The following RALGAPA2 variants were observed in gnomAD, a reference collection of about 807,000 sequenced individuals.
The protein encoded by RALGAPA2 is ral GTPase-activating protein subunit alpha-2.
In RALGAPA2, 139 loss-of-function variants were observed where a neutral mutation model predicts 230.4. That is an observed-to-expected ratio of 0.60 (90% CI 0.53 to 0.69). RALGAPA2 has a LOEUF of 0.69. Among genes scored for constraint, RALGAPA2 ranks in the 30% least tolerant of loss-of-function variants. The probability of loss-of-function intolerance (pLI) is 0.00; values close to 1 mark genes in which losing one functional copy is unlikely to be tolerated. For missense variants in RALGAPA2, 2,163 were observed against 2,276.0 expected (o/e 0.95, Z 1.01); for synonymous variants, 847 against 837.8 (o/e 1.01, Z -0.19).
At chr20:20,683,474 C>A (rs139817305) in intron 1 of RALGAPA2, among the ~76,000 whole-genome samples, 1 of 152,308 alleles carries the variant, frequency 6.6e-6, no homozygotes, top group East Asian at 1.9e-4. Context: ...CCACTCTCCC[C>A]TTCACTCCCT....
intron 37 of RALGAPA2, among the ~76,000 whole-genome samples, chr20:20,436,916 G>A (rs941851551): frequency 3.9e-5 from 6 of 152,122 alleles, no homozygotes; most frequent in Non-Finnish European, 5.9e-5. Flanking sequence ...CACCTCATCC[G>A]AGCCTGTGCA....
At chr20:20,486,664 C>T (rs2061920014) in intron 36 of RALGAPA2, among the ~76,000 whole-genome samples, 1 of 152,112 alleles carries the variant, frequency 6.6e-6, no homozygotes, top group African/African-American at 2.4e-5. Context: ...TGACAATTTC[C>T]AATATTTCTT....
chr20:20,652,238 A>T (rs1269985606), intron 4 of RALGAPA2, among the ~76,000 whole-genome samples: 1 of 152,124 alleles, frequency 6.6e-6, no homozygotes, highest in Non-Finnish European at 1.5e-5. Flanking sequence ...ATCATGTTGC[A>T]TTCTTTCAGG....
At chr20:20,597,721 C>A (rs1426959312) in intron 16 of RALGAPA2, among the ~76,000 whole-genome samples, 1 of 151,990 alleles carries the variant, frequency 6.6e-6, no homozygotes, top group East Asian at 1.9e-4. Context: ...CACCTGTAGT[C>A]CTAGCTACTC....
chr20:20,601,572 T>C, intron 16 of RALGAPA2, 110 bp downstream of exon 16: 1 of 1,051,040 alleles, frequency 9.5e-7, no homozygotes, highest in Non-Finnish European at 1.3e-6. Context: ...TTTCATTTAA[T>C]ATAAGGTCTA....
At chr20:20,394,325 C>T (rs1021458127) in intron 39 of RALGAPA2, among the ~76,000 whole-genome samples, 1 of 152,072 alleles carries the variant, frequency 6.6e-6, no homozygotes, top group Non-Finnish European at 1.5e-5. Context: ...ATGGTTGCCT[C>T]CCTTCTTCTA....
At chr20:20,552,943 AAAAACAAAAC>A (rs371187764) in intron 23 of RALGAPA2, among the ~76,000 whole-genome samples, 6,941 of 152,084 alleles carry the variant, frequency 0.046, 219 homozygotes, top group Non-Finnish European at 0.07. Flanking sequence ...ACGGCCCTTT[AAAAACAAAAC>A]AAAACAAAAC....
intron 3 of RALGAPA2, among the ~76,000 whole-genome samples, chr20:20,655,628 G>C (rs2067562546): frequency 6.6e-6 from 1 of 152,118 alleles, no homozygotes; most frequent in Admixed American, 6.5e-5. Flanking sequence ...AGGCGAGGCT[G>C]GGGGCTTAAT....
intron 23 of RALGAPA2, among the ~76,000 whole-genome samples, chr20:20,550,839 A>G (rs1430119858): frequency 6.6e-6 from 1 of 152,270 alleles, no homozygotes; most frequent in African/African-American, 2.4e-5. Context: ...TAGCAAGTAA[A>G]TAATTATTTT....
intron 36 of RALGAPA2, among the ~76,000 whole-genome samples, chr20:20,485,466 C>A (rs774210217): frequency 6.6e-6 from 1 of 152,152 alleles, no homozygotes; most frequent in Non-Finnish European, 1.5e-5. Flanking sequence ...ATATTTAAGA[C>A]GACTGACATG....
intron 17 of RALGAPA2, 32 bp downstream of exon 17, chr20:20,591,145 G>A: frequency 6.2e-7 from 1 of 1,607,920 alleles, no homozygotes; most frequent in Non-Finnish European, 8.5e-7. Flanking sequence ...AGAATCTATA[G>A]TTCTGTATTA....
rs1056680996 is a variant in RALGAPA2 at position 20,505,568 on chromosome 20, C to T, written c.4929-34G>A. On this transcript the variant is annotated intron_variant, in intron 33 of 39. Transcript: ENST00000202677. ...TTTTAAATTTAAAGGAGTTAGAATTCTTATATGTAAAATTTTACTTCACTA... is the reference window on the plus strand; with the variant it reads ...TTTTAAATTTAAAGGAGTTAGAATTTTTATATGTAAAATTTTACTTCACTA... 6.7e-6 allele frequency: 10 copies of T among 1,496,472 alleles called. No individual in the cohort carries two copies. In the Admixed American group the frequency reaches 2.1e-4, roughly 32 times the overall value. The allele number at this position is 1,496,472 out of a possible 1,614,324, so 92.7% of individuals were successfully genotyped here.
At chr20:20,619,094 G>T (rs769359561) in intron 12 of RALGAPA2, among the ~76,000 whole-genome samples, 183 bp downstream of exon 12, 1 of 152,102 alleles carries the variant, frequency 6.6e-6, no homozygotes, top group Non-Finnish European at 1.5e-5. Flanking sequence ...ATTGTGGGTA[G>T]GAATTAGAAA....
At chr20:20,546,665 C>T (rs1322251996) in intron 24 of RALGAPA2, 39 bp downstream of exon 24, 6 of 1,546,308 alleles carry the variant, frequency 3.9e-6, no homozygotes, top group East Asian at 2.3e-5. Context: ...GATTGTGAAG[C>T]CTCTTGGGAG....
intron 20 of RALGAPA2, among the ~76,000 whole-genome samples, chr20:20,580,060 T>C (rs910744875): frequency 6.6e-6 from 1 of 152,204 alleles, no homozygotes; most frequent in Non-Finnish European, 1.5e-5. Context: ...GACTTATTCA[T>C]CTTTTTATTT....
At position 20,571,574 on chromosome 20, in the gene RALGAPA2, G is replaced by A; in HGVS notation, c.3040C>T (p.Gln1014Ter). ...ATGGCACAGATCAGCCTGTAGGCTTGTAGTTTGCCTTCCTTATATTCATTT... is the reference window on the plus strand; with the variant it reads ...ATGGCACAGATCAGCCTGTAGGCTTATAGTTTGCCTTCCTTATATTCATTT... Reference protein sequence around the residue: ...LPNEYKEGKLQAYRLICAMMT... With the variant: ...LPNEYKEGKL Residue 1014 changes from glutamine to a stop codon, truncating the protein, a stop_gained, in exon 23 of 40, where the codon CAA (glutamine) becomes TAA (stop). Coordinates refer to ENST00000202677, the MANE Select transcript of RALGAPA2 (RefSeq NM_020343.4). LOFTEE classifies it high-confidence loss of function. The A allele has an allele frequency of 6.2e-7, 1 of 1,611,882 alleles. No homozygotes were observed. Among genetic ancestry groups the A allele is most frequent in the Non-Finnish European group, 8.5e-7 (1 of 1,179,080 alleles).
At chr20:20,660,816 C>A (rs2067751992) in intron 3 of RALGAPA2, among the ~76,000 whole-genome samples, 1 of 152,120 alleles carries the variant, frequency 6.6e-6, no homozygotes. Flanking sequence ...ACCTCCCTCC[C>A]AGGTGACTTG....
At chr20:20,657,239 C>T (rs545858876) in intron 3 of RALGAPA2, among the ~76,000 whole-genome samples, 42 of 152,272 alleles carry the variant, frequency 2.8e-4, no homozygotes, top group Non-Finnish European at 6.0e-4. Context: ...GCCAGCCTAG[C>T]GGAAGCTCCA....
chr20:20,425,688 T>C (rs1171614776), intron 37 of RALGAPA2, among the ~76,000 whole-genome samples: 1 of 152,160 alleles, frequency 6.6e-6, no homozygotes, highest in East Asian at 1.9e-4. Context: ...GTACGCTGGG[T>C]TGCAAAGCAC....
Sources: allele counts gnomAD v4.1 joint callset (sites outside exome capture counted in the v4.1 genomes callset), GRCh38; gene constraint gnomAD v4.1.1; transcripts MANE v1.5; gene names NCBI Gene and HGNC (gene_info 2026-07-23, HGNC 2026-07-21).